BACH2: variants seen among roughly 807,000 people sequenced by gnomAD.
The protein encoded by BACH2 is transcription regulator protein BACH2.
In BACH2, 5 loss-of-function variants were observed where a neutral mutation model predicts 61.8. The observed-to-expected ratio is 0.08, with a 90% CI of 0.04 to 0.17. The LOEUF (loss-of-function observed/expected upper bound fraction) is 0.17. Among genes scored for constraint, BACH2 ranks in the 10% least tolerant of loss-of-function variants. The probability of loss-of-function intolerance (pLI) is 1.00; values close to 1 mark genes in which losing one functional copy is unlikely to be tolerated. For missense variants in BACH2, 824 were observed against 1,091.1 expected, an observed-to-expected ratio of 0.76 and a Z score of 3.45; for synonymous variants, 446 against 440.1, an observed-to-expected ratio of 1.01 and a Z score of -0.17.
At chr6:90,251,642 C>G (rs1360184637) in intron 3 of BACH2, among the ~76,000 whole-genome samples, 1 of 152,098 alleles carries the variant, frequency 6.6e-6, no homozygotes, top group African/African-American at 2.4e-5. Flanking sequence ...GTATTTTGCC[C>G]TCTCTCTTTC....
chr6:90,043,925 TTTTTTCTTC>T (rs1779660020), intron 5 of BACH2, among the ~76,000 whole-genome samples: 1 of 152,226 alleles, frequency 6.6e-6, no homozygotes, highest in South Asian at 2.1e-4. Context: ...GAAGTCATGC[TTTTTTCTTC>T]TTTTTTCCCT....
At chr6:90,286,676 C>T (rs1307223286) in intron 1 of BACH2, among the ~76,000 whole-genome samples, 1 of 152,170 alleles carries the variant, frequency 6.6e-6, no homozygotes, top group Admixed American at 6.5e-5. Context: ...CACTTTCAGA[C>T]TTCAACTTTA....
chr6:90,138,304 A>T (rs971607146), intron 4 of BACH2, among the ~76,000 whole-genome samples: 64 of 152,148 alleles, frequency 4.2e-4, no homozygotes, highest in African/African-American at 1.5e-3. Context: ...GGAGTTCGAG[A>T]CCAGTCTGGC....
intron 4 of BACH2, among the ~76,000 whole-genome samples, chr6:90,103,021 A>ATTTT (rs1782729719): frequency 3.1e-5 from 1 of 32,178 alleles, no homozygotes; most frequent in African/African-American, 2.0e-4. Flanking sequence ...ATATATATAT[A>ATTTT]TATATATATT....
intron 5 of BACH2, among the ~76,000 whole-genome samples, chr6:90,029,820 A>C (rs1272724063): frequency 5.3e-5 from 8 of 152,158 alleles, no homozygotes; most frequent in Admixed American, 5.2e-4. Flanking sequence ...TTGCCTATCC[A>C]TTTATCCACA....
intron 6 of BACH2, among the ~76,000 whole-genome samples, chr6:89,990,490 G>T (rs533182699): frequency 4.1e-4 from 62 of 150,656 alleles, no homozygotes; most frequent in Non-Finnish European, 6.6e-4. Context: ...ACACTTTTCT[G>T]CTTCTTCAGG....
chr6:90,232,946 TAC>T (rs1237022166), intron 3 of BACH2, among the ~76,000 whole-genome samples: 1 of 152,200 alleles, frequency 6.6e-6, no homozygotes, highest in African/African-American at 2.4e-5. Flanking sequence ...TTTACAATAA[TAC>T]AGGTGTATTA....
chr6:90,232,213 T>G, intron 3 of BACH2, among the ~76,000 whole-genome samples: 1 of 152,322 alleles, frequency 6.6e-6, no homozygotes, highest in South Asian at 2.1e-4. Flanking sequence ...ATCTTAGGTA[T>G]AATGGGGTCA....
intron 6 of BACH2, among the ~76,000 whole-genome samples, chr6:89,959,097 GCACACACACACACACACACACACACA>G (rs60175244): frequency 3.4e-4 from 46 of 134,484 alleles, no homozygotes; most frequent in South Asian, 7.9e-4. Flanking sequence ...ATGCACAAGT[GCACACACACACACACACACACACACA>G]CACACACACA....
chr6:90,070,470 G>A (rs1781172024), intron 5 of BACH2, among the ~76,000 whole-genome samples: 1 of 152,080 alleles, frequency 6.6e-6, no homozygotes, highest in Non-Finnish European at 1.5e-5. Context: ...TGAGTGCTGA[G>A]TACCAGGCCA....
intron 4 of BACH2, among the ~76,000 whole-genome samples, chr6:90,108,174 A>AC (rs1429205356): frequency 6.6e-6 from 1 of 151,768 alleles, no homozygotes; most frequent in Admixed American, 6.6e-5. Flanking sequence ...TTCTTAAACC[A>AC]CCCCCTCACC....
intron 8 of BACH2, among the ~76,000 whole-genome samples, chr6:89,936,745 A>G (rs1315067500): frequency 1.3e-5 from 2 of 152,072 alleles, no homozygotes. Flanking sequence ...AAAAACCCTG[A>G]CGTCCAGGGC....
At chr6:90,142,891 T>C (rs1042115159) in intron 4 of BACH2, among the ~76,000 whole-genome samples, 3 of 152,130 alleles carry the variant, frequency 2.0e-5, no homozygotes, top group African/African-American at 7.2e-5. Context: ...AAATAATACA[T>C]TGGACATGAT....
chr6:90,046,875 A>T (rs1386152570), intron 5 of BACH2, among the ~76,000 whole-genome samples: 2 of 152,084 alleles, frequency 1.3e-5, no homozygotes, highest in Non-Finnish European at 1.5e-5. Context: ...TCTTATGCCC[A>T]AGCAACTCAT....
chr6:89,980,972 G>A (rs921172563), intron 6 of BACH2, among the ~76,000 whole-genome samples: 21 of 151,372 alleles, frequency 1.4e-4, no homozygotes, highest in African/African-American at 4.1e-4. Context: ...ACAAAGAGAC[G>A]TTTGAATTAA....
chr6:90,161,590 G>C (rs906957030), intron 4 of BACH2, among the ~76,000 whole-genome samples: 3 of 152,176 alleles, frequency 2.0e-5, no homozygotes, highest in Non-Finnish European at 4.4e-5. Context: ...ATTAGGCATA[G>C]TTAAGCAACT....
intron 5 of BACH2, among the ~76,000 whole-genome samples, chr6:90,070,225 A>G (rs1037524184): frequency 1.3e-5 from 2 of 152,180 alleles, no homozygotes; most frequent in African/African-American, 4.8e-5. Context: ...GGACTCCTTC[A>G]TCTTCCTTAA....
At chr6:90,064,133 A>G (rs757892522) in intron 5 of BACH2, among the ~76,000 whole-genome samples, 7 of 152,348 alleles carry the variant, frequency 4.6e-5, no homozygotes, top group African/African-American at 1.4e-4. Flanking sequence ...GAAGAGTGCA[A>G]TGCACGAAGT....
chr6:90,292,612 ATCTT>A (rs1263167307), intron 1 of BACH2, among the ~76,000 whole-genome samples: 3 of 152,178 alleles, frequency 2.0e-5, no homozygotes, highest in African/African-American at 4.8e-5. Context: ...TTTTTTTGGC[ATCTT>A]TCTATTTTCC....
Sources: allele counts gnomAD v4.1 joint callset (sites outside exome capture counted in the v4.1 genomes callset), GRCh38; gene constraint gnomAD v4.1.1; transcripts MANE v1.5; gene names NCBI Gene and HGNC (gene_info 2026-07-23, HGNC 2026-07-21).